Variants in SNRNP35 observed in about 807,000 individuals in gnomAD.
SNRNP35 encodes U11/U12 small nuclear ribonucleoprotein 35 kDa protein.
A neutral mutation model predicts 24.3 loss-of-function variants in SNRNP35; 16 were observed. The observed-to-expected ratio is 0.66, with a 90% CI of 0.45 to 1.00. SNRNP35 has a LOEUF of 1.00. SNRNP35 is among the 50% of genes least tolerant of loss of function. SNRNP35 has a pLI of 0.00. For missense variants in SNRNP35, 292 were observed against 327.2 expected (o/e 0.89, Z 0.83); for synonymous variants, 106 against 124.8 (o/e 0.85, Z 1.00).
chr12:123,458,238 G>A (rs950213481), intron 1 of SNRNP35, 22 bp downstream of exon 1: 24 of 985,288 alleles, frequency 2.4e-5, no homozygotes, highest in Non-Finnish European at 1.6e-5. Flanking sequence ...CGGCTTGGAA[G>A]GAGCGGGCCC....
chr12:123,470,610 C>G (rs1257758819), downstream of SNRNP35: 4 of 151,830 alleles, frequency 2.6e-5, no homozygotes, highest in African/African-American at 9.7e-5. Context: ...ATGGTGAAAC[C>G]CCGTCTTTAC....
chr12:123,462,517 T>C (rs1427034259), intron 1 of SNRNP35, among the ~76,000 whole-genome samples: 5 of 150,818 alleles, frequency 3.3e-5, no homozygotes, highest in South Asian at 2.1e-4. Flanking sequence ...TTTTTTTTTT[T>C]TTCTTCTGAG....
At chr12:123,460,741 C>T (rs1012913214) in intron 1 of SNRNP35, among the ~76,000 whole-genome samples, 11 of 151,696 alleles carry the variant, frequency 7.3e-5, no homozygotes, top group Non-Finnish European at 1.5e-4. Context: ...AGAGCAAGAC[C>T]CTGTCTCAAA....
downstream of SNRNP35, among the ~76,000 whole-genome samples, chr12:123,469,191 G>C (rs1267968667): frequency 6.6e-6 from 1 of 151,832 alleles, no homozygotes; most frequent in Non-Finnish European, 1.5e-5. Flanking sequence ...GTCTCGCTCT[G>C]TCGCCCAGGC....
chr12:123,458,178 C>T lies in SNRNP35; in HGVS notation c.-42C>T, dbSNP rs954529801. The T allele has an allele frequency of 3.0e-6, 3 of 985,316 alleles. No individual in the cohort carries two copies. The highest frequency in any genetic ancestry group is 3.6e-6 in the Non-Finnish European group (3 of 829,986). 61.0% of individuals were successfully genotyped at this position (985,316 alleles called of 1,614,324 possible). On this transcript the variant is annotated 5_prime_UTR_variant, in exon 1 of 2. Transcript: ENST00000526639. ...GAATCTGCTGTCGCCTGCAGCTGCT[C>T]GCCTGTCTCCGTCGGAAGGGAGCCC...
downstream of SNRNP35, among the ~76,000 whole-genome samples, chr12:123,468,901 A>G (rs1043695994): frequency 6.6e-6 from 1 of 152,204 alleles, no homozygotes; most frequent in African/African-American, 2.4e-5. Context: ...TGTGTGTGAC[A>G]GTGTGCAACA....
At chr12:123,463,095 CTG>C (rs1880725564) in intron 1 of SNRNP35, among the ~76,000 whole-genome samples, 1 of 152,156 alleles carries the variant, frequency 6.6e-6, no homozygotes, top group Admixed American at 6.5e-5. Context: ...GGGTCTCACT[CTG>C]TTACCCACAC....
At chr12:123,468,638 T>G (rs1387278876), downstream of SNRNP35, among the ~76,000 whole-genome samples, 1 of 151,806 alleles carries the variant, frequency 6.6e-6, no homozygotes, top group Admixed American at 6.6e-5. Flanking sequence ...TGCAGTGAGC[T>G]GAGATTGTGC....
At chr12:123,470,794 G>C (rs1350317642), downstream of SNRNP35, 2 of 152,076 alleles carry the variant, frequency 1.3e-5, no homozygotes, top group Non-Finnish European at 2.9e-5. Context: ...AAAAAAGAGA[G>C]ACATTTAGTG....
At chr12:123,472,724 T>C in exon 2 of SNRNP35, 1 of 1,575,416 alleles carries the variant, frequency 6.3e-7, no homozygotes, top group African/African-American at 1.3e-5. Flanking sequence ...AGCTGACCCT[T>C]TGCTGTGCAA....
chr12:123,466,237 G>A lies in SNRNP35; in HGVS notation c.697G>A (p.Asp233Asn). 4 of 1,539,510 alleles carry A rather than the reference G, an allele frequency of 2.6e-6. No homozygotes were observed. Among genetic ancestry groups the A allele is most frequent in the Non-Finnish European group, 3.5e-6 (4 of 1,146,826 alleles). ...CTGGGAGAGAGAGAGGGACTTCAGA[G>A]ATGACAGGATCAAGGGGAGGGAGAA... ...NDWERERDFRDDRIKGREKKE... is the reference protein window; with the variant it reads ...NDWERERDFRNDRIKGREKKE... The change falls in exon 2 of 2, where the codon GAT becomes AAT. Residue 233 changes from aspartate to asparagine, a missense_variant. By Grantham distance (23) the Asp-to-Asn change is conservative. Coordinates refer to ENST00000526639, the MANE Select transcript of SNRNP35 (RefSeq NM_022717.4).
intron 1 of SNRNP35, among the ~76,000 whole-genome samples, chr12:123,462,909 T>A (rs976360101): frequency 6.6e-6 from 1 of 152,102 alleles, no homozygotes; most frequent in Admixed American, 6.6e-5. Context: ...TCCCCCTATA[T>A]AACCCATCAA....
At position 123,466,854 on chromosome 12, in the gene SNRNP35, T is replaced by A. The variant is rs1041218668; in HGVS notation, c.*573T>A. ...GTGAGCCACTACTCCTGGCCTGGTC[T>A]CCAACTCTTGACCTCAAATGAGCCA... On this transcript the variant is annotated 3_prime_UTR_variant, in exon 2 of 2. Coordinates refer to ENST00000526639, the MANE Select transcript of SNRNP35 (RefSeq NM_022717.4). The A allele has an allele frequency of 1.3e-5, 2 of 152,288 alleles. No homozygotes were observed. Among genetic ancestry groups the A allele is most frequent in the African/African-American group, 2.4e-5 (1 of 41,442 alleles). The allele number at this position is 152,288 out of a possible 1,614,324, so 9.4% of individuals were successfully genotyped here.
At chr12:123,467,194 C>G (rs965442235), downstream of SNRNP35, among the ~76,000 whole-genome samples, 2 of 152,150 alleles carry the variant, frequency 1.3e-5, no homozygotes, top group African/African-American at 2.4e-5. Context: ...AGGAGAATGT[C>G]CAGAGCCCTA....
downstream of SNRNP35, chr12:123,467,028 C>G (rs961356355): frequency 6.6e-6 from 1 of 152,160 alleles, no homozygotes; most frequent in East Asian, 1.9e-4. Flanking sequence ...ATCTTGAGTA[C>G]GTGGCAAAAA....
Position 123,466,523 on chromosome 12 carries a change from C to G in SNRNP35, c.*242C>G. On this transcript the variant is annotated 3_prime_UTR_variant, in exon 2 of 2. Coordinates refer to ENST00000526639, the MANE Select transcript of SNRNP35 (RefSeq NM_022717.4). Reference sequence around the variant, plus strand: ...GAAGCAATTTTGTAGTTACTGGCATCTGTACAGAAGGGCATTTTCTTTTCT... The same window carrying G: ...GAAGCAATTTTGTAGTTACTGGCATGTGTACAGAAGGGCATTTTCTTTTCT... 1 of 416,738 alleles carries G rather than the reference C, an allele frequency of 2.4e-6. No homozygotes were observed. The allele number at this position is 416,738 out of a possible 1,614,324, so 25.8% of individuals were successfully genotyped here. A position where few individuals can be genotyped will look rare whatever the true frequency, so the allele number is the denominator to read the frequency against.
Position 123,465,979 on chromosome 12 carries a change from A to C in SNRNP35, c.439A>C (p.Lys147Gln), listed in dbSNP as rs759070125. ...GCGACTTGGAGGCGGTCTTGGGGGA[A>C]AAAAGGAGTCTGGGCAACTGAGATT... ...PRRLGGGLGG[K>Q]KESGQLRFGG... Residue 147 changes from lysine to glutamine, a missense_variant, in exon 2 of 2, where the codon AAA becomes CAA. Physicochemically the swap from Lys to Gln is moderately conservative, Grantham distance 53. Coordinates refer to ENST00000526639, the MANE Select transcript of SNRNP35 (RefSeq NM_022717.4). The surrounding 1 kb of genome is among the most constrained non-coding windows in gnomAD (Gnocchi z 4.2). 6.2e-7 allele frequency: 1 copy of C among 1,614,112 alleles called. No homozygotes were observed. Among genetic ancestry groups the C allele is most frequent in the Non-Finnish European group, 8.5e-7 (1 of 1,180,018 alleles).
At chr12:123,459,251 A>G (rs1880465614) in intron 1 of SNRNP35, 1 of 152,210 alleles carries the variant, frequency 6.6e-6, no homozygotes, top group African/African-American at 2.4e-5. Context: ...AAAATTTTCT[A>G]AATTTGTATA....
intron 1 of SNRNP35, 107 bp downstream of exon 1, chr12:123,458,323 C>A: frequency 4.2e-6 from 3 of 714,912 alleles, no homozygotes; most frequent in Non-Finnish European, 5.2e-6. Flanking sequence ...ATGTTGAAAC[C>A]TGGCAAAGGG....
Sources: allele counts gnomAD v4.1 joint callset (sites outside exome capture counted in the v4.1 genomes callset), GRCh38; gene constraint gnomAD v4.1.1; non-coding constraint Gnocchi (gnomAD v3.1); transcripts MANE v1.5; gene names NCBI Gene and HGNC (gene_info 2026-07-23, HGNC 2026-07-21).